Variants in ZSCAN5A observed in about 807,000 individuals in gnomAD.
ZSCAN5A encodes zinc finger and SCAN domain-containing protein 5A.
Under a neutral mutation model 23.7 loss-of-function variants are expected in ZSCAN5A, and 12 were observed. The observed-to-expected ratio is 0.51, with a 90% CI of 0.32 to 0.82. The LOEUF (loss-of-function observed/expected upper bound fraction) is 0.82. Ranked by LOEUF, ZSCAN5A falls within the 40% of genes least tolerant of loss-of-function variation. The pLI is 0.03. For missense variants in ZSCAN5A, 597 were observed against 617.9 expected (o/e 0.97, Z 0.36); for synonymous variants, 257 against 239.9 (o/e 1.07, Z -0.66).
chr19:56,221,535 ACTT>A lies in ZSCAN5A; in HGVS notation c.*37_*39del, dbSNP rs781680429. The A allele has an allele frequency of 3.4e-4, 513 of 1,529,692 alleles. 4 individuals are homozygous for A. The South Asian group carries it at 4.2e-3, about 12-fold the overall frequency. The allele number at this position is 1,529,692 out of a possible 1,614,324, so 94.8% of individuals were successfully genotyped here. ...ATAACATTGATGAAAAATATCATTC[ACTT>A]CTTCTTGGTGCAGAAGGCATAGACC... On this transcript the variant is annotated 3_prime_UTR_variant, in exon 6 of 6. Coordinates refer to ENST00000683990, the MANE Select transcript of ZSCAN5A (RefSeq NM_001322064.3).
At chr19:56,342,638 G>T in intron 2 of ZSCAN5A, 1 of 486,772 alleles carries the variant, frequency 2.1e-6, no homozygotes, top group South Asian at 2.4e-5. Flanking sequence ...AAAAAATTTG[G>T]AAAAAGGGAT....
intron 2 of ZSCAN5A, among the ~76,000 whole-genome samples, chr19:56,286,147 G>A (rs926324394): frequency 1.7e-4 from 26 of 151,954 alleles, no homozygotes; most frequent in African/African-American, 5.3e-4. Flanking sequence ...TCAGCCTCCC[G>A]AGTAGCTGGG....
chr19:56,262,300 T>C (rs1351057835), intron 2 of ZSCAN5A, among the ~76,000 whole-genome samples: 1 of 152,180 alleles, frequency 6.6e-6, no homozygotes, highest in Non-Finnish European at 1.5e-5. Flanking sequence ...ATTACAGGCA[T>C]GAGCCACCGT....
intron 2 of ZSCAN5A, among the ~76,000 whole-genome samples, chr19:56,357,395 T>C (rs2041706229): frequency 6.7e-6 from 1 of 148,352 alleles, no homozygotes; most frequent in African/African-American, 2.5e-5. Context: ...GTACACGCAG[T>C]ATTTTGATAC....
intron 2 of ZSCAN5A, among the ~76,000 whole-genome samples, chr19:56,233,350 G>T (rs1046425719): frequency 1.3e-5 from 2 of 152,022 alleles, no homozygotes. Context: ...CGGTGTCCAC[G>T]TTTTGTCTTT....
At chr19:56,243,443 C>G (rs1272879635) in intron 2 of ZSCAN5A, among the ~76,000 whole-genome samples, 1 of 152,172 alleles carries the variant, frequency 6.6e-6, no homozygotes, top group African/African-American at 2.4e-5. Context: ...ACTTAATGCT[C>G]TCCCTTCCCT....
intron 2 of ZSCAN5A, among the ~76,000 whole-genome samples, chr19:56,358,684 C>T (rs560003528): frequency 6.6e-6 from 1 of 152,146 alleles, no homozygotes; most frequent in Non-Finnish European, 1.5e-5. Context: ...AGAAGTAAAC[C>T]ACTGCTCAGC....
intron 2 of ZSCAN5A, among the ~76,000 whole-genome samples, chr19:56,330,292 C>T (rs979707278): frequency 6.6e-6 from 1 of 152,192 alleles, no homozygotes; most frequent in Non-Finnish European, 1.5e-5. Flanking sequence ...CTGCAATGAA[C>T]ATATGGGTGC....
intron 2 of ZSCAN5A, chr19:56,343,023 AGTC>A (rs2041606405): frequency 1.2e-6 from 1 of 818,898 alleles, no homozygotes; most frequent in Non-Finnish European, 2.2e-6. Flanking sequence ...TACTTATCCA[AGTC>A]TTCTTTCCCC....
At chr19:56,258,810 G>T (rs973783799) in intron 2 of ZSCAN5A, among the ~76,000 whole-genome samples, 1 of 152,160 alleles carries the variant, frequency 6.6e-6, no homozygotes, top group Non-Finnish European at 1.5e-5. Flanking sequence ...TGGCAGAAGG[G>T]ACATTGCGTG....
At chr19:56,277,497 TAG>T (rs1240598451) in intron 2 of ZSCAN5A, among the ~76,000 whole-genome samples, 1 of 148,658 alleles carries the variant, frequency 6.7e-6, no homozygotes, top group African/African-American at 2.5e-5. Context: ...GGCAAATCCA[TAG>T]AGACACAATG....
intron 2 of ZSCAN5A, chr19:56,342,802 C>A (rs2041604510): frequency 2.6e-6 from 2 of 763,838 alleles, no homozygotes; most frequent in Non-Finnish European, 4.8e-6. Flanking sequence ...GAACTGGGAC[C>A]AATCATAAGA....
intron 2 of ZSCAN5A, chr19:56,297,520 G>C (rs1265085644): frequency 4.6e-5 from 45 of 985,002 alleles, no homozygotes; most frequent in Non-Finnish European, 5.1e-5. Context: ...ACAAGTGGCT[G>C]CAAGGAGGAA....
At chr19:56,247,413 AAGAGC>A in intron 2 of ZSCAN5A, 1 of 179,126 alleles carries the variant, frequency 5.6e-6, no homozygotes, top group Non-Finnish European at 1.2e-5. Context: ...CCAAGTGTCT[AAGAGC>A]CTTTCGTCGG....
intron 2 of ZSCAN5A, among the ~76,000 whole-genome samples, chr19:56,261,203 C>CA (rs71293970): frequency 0.35 from 47,542 of 136,332 alleles, 8,764 homozygotes; most frequent in Non-Finnish European, 0.44. Context: ...GCAAGACTCT[C>CA]AAAAAAAAAA....
intron 2 of ZSCAN5A, among the ~76,000 whole-genome samples, chr19:56,350,794 A>C (rs540711652): frequency 6.6e-6 from 1 of 152,248 alleles, no homozygotes; most frequent in African/African-American, 2.4e-5. Context: ...TTCTTGTAAA[A>C]TTTATATTTT....
At chr19:56,265,481 G>A (rs943721316) in intron 2 of ZSCAN5A, among the ~76,000 whole-genome samples, 13 of 151,542 alleles carry the variant, frequency 8.6e-5, no homozygotes, top group Admixed American at 8.6e-4. Flanking sequence ...CCAATGGAAG[G>A]AAGACTATGT....
At position 56,247,706 on chromosome 19, in the gene ZSCAN5A, T is replaced by C. The variant is rs560116335; in HGVS notation, c.-127-22533A>G. On this transcript the variant is annotated intron_variant, in intron 2 of 5. Transcript: ENST00000683990. ...TTGCTGTTCTTTCTTTTATTATTTT[T>C]TTTGAGACGGAGTCTTGTTCTGTCA... Among the ~76,000 whole-genome samples the C allele has an allele frequency of 1.4e-3, 195 of 137,812 alleles. 2 individuals carry two copies. Among genetic ancestry groups the C allele is most frequent in the Non-Finnish European group, 2.3e-3 (143 of 62,378 alleles). The allele number at this position is 137,812 out of a possible 152,430, so 90.4% of individuals were successfully genotyped here.
At chr19:56,282,298 A>G (rs1446376100) in intron 2 of ZSCAN5A, among the ~76,000 whole-genome samples, 2 of 152,140 alleles carry the variant, frequency 1.3e-5, no homozygotes, top group Non-Finnish European at 2.9e-5. Flanking sequence ...TGTGCCTCCA[A>G]AGGGGTCCAA....
Sources: gnomAD v4.1 joint callset for allele counts (sites outside exome capture counted in the v4.1 genomes callset) on GRCh38, gnomAD v4.1.1 for gene constraint, MANE v1.5 for transcripts, NCBI Gene and HGNC (gene_info 2026-07-23, HGNC 2026-07-21) for gene names.